Variants in SMYD3 observed in about 807,000 individuals in gnomAD.
The protein encoded by SMYD3 is histone-lysine N-methyltransferase SMYD3.
A neutral mutation model predicts 57.7 loss-of-function variants in SMYD3; 36 were observed. The ratio of observed to expected loss-of-function variants is 0.62; its 90% confidence interval spans 0.48 to 0.82. SMYD3 has a LOEUF of 0.82. SMYD3 is among the 40% of genes least tolerant of loss of function. The pLI, the probability that SMYD3 is intolerant of heterozygous loss-of-function variation, is 0.00. For missense variants in SMYD3, 515 were observed against 538.8 expected, an observed-to-expected ratio of 0.96 and a Z score of 0.44; for synonymous variants, 211 against 195.0, an observed-to-expected ratio of 1.08 and a Z score of -0.68.
intron 10 of SMYD3, among the ~76,000 whole-genome samples, chr1:245,771,051 C>A (rs976492754): frequency 4.6e-5 from 7 of 152,048 alleles, no homozygotes; most frequent in Admixed American, 4.6e-4. Context: ...TATATACACA[C>A]ACACACACAT....
intron 10 of SMYD3, among the ~76,000 whole-genome samples, chr1:245,793,134 C>T (rs1180817922): frequency 6.8e-6 from 1 of 146,874 alleles, no homozygotes; most frequent in South Asian, 2.2e-4. Flanking sequence ...ACGGTGAAAC[C>T]CCGTCTCTAC....
chr1:245,927,942 C>T lies in SMYD3; in HGVS notation c.691G>A (p.Val231Met), dbSNP rs1476109987. 6.2e-7 allele frequency: 1 copy of T among 1,611,658 alleles called. No homozygotes were observed. The highest frequency in any genetic ancestry group is 1.7e-5 in the Admixed American group (1 of 59,948). Residue 231 changes from valine to methionine, a missense_variant, in exon 7 of 12, where the codon GTG becomes ATG. Transcript: ENST00000490107. ...ATGAGTTTCCTTACCTCCTCTCCCA[C>T]CTCGATGTCTCGGACTGCTCGCAGT... The part of the protein sequence containing the change: ...LLLRAVRDIE[V>M]GEELTICYLD...
chr1:246,134,578 A>C (rs1282856519), intron 5 of SMYD3, among the ~76,000 whole-genome samples: 1 of 152,102 alleles, frequency 6.6e-6, no homozygotes, highest in Admixed American at 6.6e-5. Flanking sequence ...CTGTACATAC[A>C]TGTGCTTAGC....
chr1:246,232,435 C>A (rs1490089584), intron 5 of SMYD3, among the ~76,000 whole-genome samples: 3 of 151,898 alleles, frequency 2.0e-5, no homozygotes, highest in Admixed American at 2.0e-4. Flanking sequence ...GAGGAAAGAA[C>A]ATATACCATA....
chr1:246,175,711 T>G (rs2062421651), intron 5 of SMYD3, among the ~76,000 whole-genome samples: 1 of 152,156 alleles, frequency 6.6e-6, no homozygotes, highest in African/African-American at 2.4e-5. Context: ...TTTAAACATT[T>G]ATTGCCGACA....
At chr1:245,945,295 C>A (rs933832545) in intron 5 of SMYD3, among the ~76,000 whole-genome samples, 1 of 152,004 alleles carries the variant, frequency 6.6e-6, no homozygotes, top group Non-Finnish European at 1.5e-5. Context: ...AGAAAACAAA[C>A]AGCCCCATTA....
intron 5 of SMYD3, among the ~76,000 whole-genome samples, chr1:246,172,859 A>T: frequency 7.3e-6 from 1 of 136,414 alleles, no homozygotes; most frequent in East Asian, 2.3e-4. Context: ...TATCAACACT[A>T]CACACTTAGG....
intron 5 of SMYD3, among the ~76,000 whole-genome samples, chr1:246,046,053 G>T (rs905136590): frequency 6.6e-6 from 1 of 152,200 alleles, no homozygotes; most frequent in South Asian, 2.1e-4. Context: ...CAACCATTGC[G>T]GAAGACAGTG....
chr1:246,054,171 A>G (rs1253802114), intron 5 of SMYD3, among the ~76,000 whole-genome samples: 1 of 152,216 alleles, frequency 6.6e-6, no homozygotes, highest in Non-Finnish European at 1.5e-5. Flanking sequence ...TAAAAAGATA[A>G]GCAGTAGCAT....
chr1:245,760,426 G>A (rs966132074), intron 11 of SMYD3, among the ~76,000 whole-genome samples: 2 of 152,118 alleles, frequency 1.3e-5, no homozygotes, highest in African/African-American at 4.8e-5. Context: ...GGAAGAAACT[G>A]ACCTGCTTCT....
At chr1:245,857,533 A>G (rs1039454295) in intron 10 of SMYD3, among the ~76,000 whole-genome samples, 5 of 39,750 alleles carry the variant, frequency 1.3e-4, no homozygotes, top group Middle Eastern at 0.045. Context: ...TTGGGCTGAC[A>G]TGGTATTTGC....
chr1:246,440,098 A>G (rs899610605), intron 1 of SMYD3, among the ~76,000 whole-genome samples: 1 of 152,212 alleles, frequency 6.6e-6, no homozygotes, highest in Non-Finnish European at 1.5e-5. Context: ...ACAACAATCT[A>G]TTGATGATGT....
At chr1:246,343,737 CTGA>C (rs2065666623) in intron 2 of SMYD3, among the ~76,000 whole-genome samples, 1 of 152,208 alleles carries the variant, frequency 6.6e-6, no homozygotes, top group South Asian at 2.1e-4. Flanking sequence ...AAGATTATCT[CTGA>C]TCCAGATTAT....
chr1:245,844,949 A>G (rs1200569774), intron 10 of SMYD3, among the ~76,000 whole-genome samples: 1 of 152,162 alleles, frequency 6.6e-6, no homozygotes, highest in Non-Finnish European at 1.5e-5. Flanking sequence ...AAAATAATCT[A>G]CTAAACACTA....
chr1:246,051,703 C>T (rs2060070453), intron 5 of SMYD3, among the ~76,000 whole-genome samples: 1 of 151,518 alleles, frequency 6.6e-6, no homozygotes, highest in Non-Finnish European at 1.5e-5. Flanking sequence ...CTAGATTATG[C>T]CAATTGCATT....
intron 5 of SMYD3, chr1:246,326,143 TA>T: frequency 7.8e-6 from 3 of 385,508 alleles, no homozygotes; most frequent in Non-Finnish European, 1.4e-5. Flanking sequence ...CAGAAAACAG[TA>T]AATTTTAAAA....
chr1:246,376,811 A>G (rs2066286908), intron 1 of SMYD3, among the ~76,000 whole-genome samples: 1 of 151,878 alleles, frequency 6.6e-6, no homozygotes, highest in Non-Finnish European at 1.5e-5. Flanking sequence ...TAAAAAAATA[A>G]CGTATTGGCC....
intron 1 of SMYD3, among the ~76,000 whole-genome samples, chr1:246,448,496 G>A (rs577273292): frequency 1.3e-5 from 2 of 151,722 alleles, no homozygotes; most frequent in East Asian, 3.9e-4. Flanking sequence ...ATGGTCAAAG[G>A]CCAGATCGTA....
At chr1:245,802,290 A>C (rs1343090470) in intron 10 of SMYD3, among the ~76,000 whole-genome samples, 1 of 152,194 alleles carries the variant, frequency 6.6e-6, no homozygotes, top group African/African-American at 2.4e-5. Context: ...GCTCAGCAGG[A>C]GACAACTGCT....
Sources: gnomAD v4.1 joint callset for allele counts (sites outside exome capture counted in the v4.1 genomes callset) on GRCh38, gnomAD v4.1.1 for gene constraint, MANE v1.5 for transcripts, NCBI Gene and HGNC (gene_info 2026-07-23, HGNC 2026-07-21) for gene names.